Variants in PLPP4 observed in about 807,000 individuals in gnomAD.
The protein encoded by PLPP4 is phospholipid phosphatase 4, also known as diacylglycerol pyrophosphate like 2.
Under a neutral mutation model 32.2 loss-of-function variants are expected in PLPP4, and 20 were observed. The observed-to-expected ratio is 0.62, with a 90% CI of 0.44 to 0.90. PLPP4 has a LOEUF of 0.90. Ranked by LOEUF, PLPP4 falls within the 40% of genes least tolerant of loss-of-function variation. The pLI, the probability that PLPP4 is intolerant of heterozygous loss-of-function variation, is 0.00. For synonymous variants in PLPP4, 127 were observed against 133.0 expected (o/e 0.95, Z 0.31); for missense variants, 257 against 353.1 (o/e 0.73, Z 2.18).
chr10:120,492,948 C>T (rs1844787025), intron 1 of PLPP4, among the ~76,000 whole-genome samples: 1 of 152,210 alleles, frequency 6.6e-6, no homozygotes, highest in Non-Finnish European at 1.5e-5. Context: ...AAGTAACTTA[C>T]TGATACCTGA....
chr10:120,460,288 G>A (rs1385589812), intron 1 of PLPP4, among the ~76,000 whole-genome samples: 1 of 152,190 alleles, frequency 6.6e-6, no homozygotes, highest in African/African-American at 2.4e-5. Flanking sequence ...GAGCAGGAAG[G>A]AGAAGCACTT....
chr10:120,521,162 T>C (rs903623786), intron 5 of PLPP4, 67 bp downstream of exon 5: 2 of 1,580,872 alleles, frequency 1.3e-6, no homozygotes, highest in African/African-American at 2.7e-5. Flanking sequence ...CTTTGGGAAT[T>C]TAGGTGCAGA....
intron 1 of PLPP4, among the ~76,000 whole-genome samples, chr10:120,459,702 A>G (rs993432374): frequency 1.3e-5 from 2 of 152,124 alleles, no homozygotes; most frequent in African/African-American, 2.4e-5. Flanking sequence ...TTTCTACCCT[A>G]TTGCTCAGGA....
chr10:120,505,631 A>G (rs982668859), intron 2 of PLPP4, among the ~76,000 whole-genome samples: 4 of 152,250 alleles, frequency 2.6e-5, no homozygotes, highest in Admixed American at 1.3e-4. Flanking sequence ...AGCGAGCATT[A>G]AAGTATTATT....
intron 1 of PLPP4, among the ~76,000 whole-genome samples, chr10:120,487,446 T>C (rs889748033): frequency 6.6e-6 from 1 of 152,226 alleles, no homozygotes; most frequent in Non-Finnish European, 1.5e-5. Context: ...TTTTAAGACA[T>C]GTTGATGTCA....
At chr10:120,525,103 G>C (rs935378254) in intron 5 of PLPP4, among the ~76,000 whole-genome samples, 1 of 152,124 alleles carries the variant, frequency 6.6e-6, no homozygotes, top group Non-Finnish European at 1.5e-5. Flanking sequence ...AGAGTTTTAC[G>C]GGAACACAGA....
chr10:120,489,296 A>G (rs1187003547), intron 1 of PLPP4, among the ~76,000 whole-genome samples: 1 of 152,240 alleles, frequency 6.6e-6, no homozygotes, highest in Admixed American at 6.5e-5. Flanking sequence ...GCTGTGGACC[A>G]GTTCGTCTTA....
At chr10:120,503,581 G>A in intron 1 of PLPP4, 1 of 1,609,608 alleles carries the variant, frequency 6.2e-7, no homozygotes, top group Non-Finnish European at 8.5e-7. Flanking sequence ...ACTCCCTTAT[G>A]CATGGAATTG....
intron 1 of PLPP4, among the ~76,000 whole-genome samples, chr10:120,489,214 T>C (rs1844598147): frequency 6.6e-6 from 1 of 152,232 alleles, no homozygotes; most frequent in African/African-American, 2.4e-5. Flanking sequence ...ACGCAAGGTT[T>C]GCAAGTTGAT....
At chr10:120,588,780 TC>T (rs1213062307) in intron 6 of PLPP4, among the ~76,000 whole-genome samples, 1 of 152,220 alleles carries the variant, frequency 6.6e-6, no homozygotes, top group Non-Finnish European at 1.5e-5. Context: ...GTGTGGAGGC[TC>T]ATGCCTGTAA....
rs568487468 is a variant in PLPP4, at chr10:120,514,201, G to T, written c.256+200G>T. ...CCTAAATGAAGGATGTTCAGACACC[G>T]CCCACTGTCGCTGTCCGTTGTGCTG... On this transcript the variant is annotated intron_variant, in intron 3 of 6. Coordinates refer to ENST00000398250, the MANE Select transcript of PLPP4 (RefSeq NM_001030059.3). Among the ~76,000 whole-genome samples, 5 of 152,282 alleles carry T rather than the reference G, an allele frequency of 3.3e-5. No homozygotes were observed. In the South Asian group the frequency reaches 1.0e-3, roughly 32 times the overall value.
chr10:120,539,742 T>C (rs1307601769), intron 5 of PLPP4, among the ~76,000 whole-genome samples: 2 of 152,196 alleles, frequency 1.3e-5, no homozygotes, highest in Admixed American at 1.3e-4. Flanking sequence ...AGGCCACAAG[T>C]TGTTCTCTTT....
chr10:120,485,763 G>A lies in PLPP4; in HGVS notation c.57-18055G>A, dbSNP rs563718123. On this transcript the variant is annotated intron_variant, in intron 1 of 6. Coordinates refer to ENST00000398250, the MANE Select transcript of PLPP4 (RefSeq NM_001030059.3). ...ACAAGAAAAGCAAAAAGAATACAGC[G>A]ATGTGAGCTGTTCACCTCCTGAGTT... Among the ~76,000 whole-genome samples the A allele has an allele frequency of 1.1e-4, 17 of 152,338 alleles. No individual in the cohort carries two copies. The East Asian group carries it at 2.9e-3, about 26-fold the overall frequency.
intron 1 of PLPP4, among the ~76,000 whole-genome samples, chr10:120,499,450 C>T (rs983690060): frequency 1.3e-5 from 2 of 151,590 alleles, no homozygotes; most frequent in Non-Finnish European, 2.9e-5. Flanking sequence ...ATTACTTTTG[C>T]ACCAATGTAA....
intron 5 of PLPP4, among the ~76,000 whole-genome samples, chr10:120,559,533 C>A (rs1415459869): frequency 6.6e-6 from 1 of 152,122 alleles, no homozygotes; most frequent in Non-Finnish European, 1.5e-5. Context: ...ATTTCATATT[C>A]TGAATTTCAT....
intron 5 of PLPP4, among the ~76,000 whole-genome samples, chr10:120,534,695 ATTC>A (rs756343540): frequency 5.3e-5 from 8 of 152,014 alleles, no homozygotes; most frequent in Non-Finnish European, 1.0e-4. Flanking sequence ...AAATTTGCCT[ATTC>A]TTAATTCTTT....
At position 120,467,370 on chromosome 10, in the gene PLPP4, G is replaced by A. The variant is rs538002957; in HGVS notation, c.56+10009G>A. On this transcript the variant is annotated intron_variant, in intron 1 of 6. Transcript: ENST00000398250. ...CTCCCAAAGTGCTGGGATTACAGGC[G>A]TGAGCCACCGCGCCCGGCCTGTGTA... Among the ~76,000 whole-genome samples, 2 of 64,410 alleles carry A rather than the reference G, an allele frequency of 3.1e-5. 1 individual carries two copies. The highest frequency in any genetic ancestry group is 6.6e-5 in the African/African-American group (2 of 30,140). 42.3% of individuals were successfully genotyped at this position (64,410 alleles called of 152,430 possible).
intron 6 of PLPP4, among the ~76,000 whole-genome samples, chr10:120,578,913 CT>C (rs1437959689): frequency 2.6e-5 from 4 of 152,212 alleles, no homozygotes; most frequent in Non-Finnish European, 5.9e-5. Context: ...CTCAAACAGG[CT>C]TATCTTTGTG....
rs745937037 is a variant in PLPP4, at chr10:120,590,569, CTT to C, written c.*1069_*1070del. On this transcript the variant is annotated 3_prime_UTR_variant, in exon 7 of 7. Transcript: ENST00000398250. ...AATGTGCTGTGTCTCTCGCTCAGCT[CTT>C]TGCATTGTTGAATACAGCCAGTCAA... Among the ~76,000 whole-genome samples the C allele has an allele frequency of 6.6e-6, 1 of 152,264 alleles. No homozygotes were observed. The highest frequency in any genetic ancestry group is 1.9e-4 in the East Asian group (1 of 5,178).
Sources: allele counts gnomAD v4.1 joint callset (sites outside exome capture counted in the v4.1 genomes callset), GRCh38; gene constraint gnomAD v4.1.1; transcripts MANE v1.5; gene names NCBI Gene and HGNC (gene_info 2026-07-23, HGNC 2026-07-21).